The following RAD23B variants were observed in gnomAD, a reference collection of about 807,000 sequenced individuals.
The protein encoded by RAD23B is lysine-specific demethylase RAD23B.
Under a neutral mutation model 49.1 loss-of-function variants are expected in RAD23B, and 5 were observed. The observed-to-expected ratio is 0.10, with a 90% CI of 0.05 to 0.21. The LOEUF (loss-of-function observed/expected upper bound fraction) is 0.21. Ranked by LOEUF, RAD23B falls within the 10% of genes least tolerant of loss-of-function variation. RAD23B has a pLI of 1.00. For missense variants in RAD23B, 356 were observed against 486.7 expected, an observed-to-expected ratio of 0.73 and a Z score of 2.53; for synonymous variants, 184 against 165.4, an observed-to-expected ratio of 1.11 and a Z score of -0.86.
intron 5 of RAD23B, among the ~76,000 whole-genome samples, chr9:107,314,218 T>C (rs1207850977): frequency 1.3e-5 from 2 of 152,230 alleles, no homozygotes; most frequent in Non-Finnish European, 2.9e-5. Flanking sequence ...AAAATTTGTA[T>C]ATAGGGAGTA....
At chr9:107,324,751 C>T (rs1827172075) in intron 8 of RAD23B, 83 bp from the exon 9 acceptor site, 7 of 1,338,530 alleles carry the variant, frequency 5.2e-6, no homozygotes, top group Non-Finnish European at 1.0e-6. Flanking sequence ...AGCCTTTTCT[C>T]TTAGTAATAT....
intron 5 of RAD23B, among the ~76,000 whole-genome samples, chr9:107,317,071 TGAG>T (rs1827012274): frequency 6.9e-6 from 1 of 145,356 alleles, no homozygotes; most frequent in African/African-American, 2.6e-5. Flanking sequence ...AGAAATAAAA[TGAG>T]GGGTTTTGCG....
chr9:107,283,721 GCAGCCGCGTGCGGGCCGCGGGGAGCGC>G, intron 1 of RAD23B, 26 bp downstream of exon 1: 1 of 1,420,268 alleles, frequency 7.0e-7, no homozygotes, highest in Non-Finnish European at 9.3e-7. Flanking sequence ...GGGGGCAGGG[GCAGCCGCGTGCGGGCCGCGGGGAGCGC>G]CAGGAGCTCG....
chr9:107,293,453 G>T (rs1833425599), intron 1 of RAD23B, among the ~76,000 whole-genome samples: 1 of 152,200 alleles, frequency 6.6e-6, no homozygotes, highest in Admixed American at 6.5e-5. Flanking sequence ...CATATGGCAA[G>T]TACATAGCCT....
intron 5 of RAD23B, 23 bp downstream of exon 5, chr9:107,311,760 A>C: frequency 6.5e-7 from 1 of 1,538,036 alleles, no homozygotes; most frequent in Non-Finnish European, 8.8e-7. Flanking sequence ...TTTTCCTTAT[A>C]AATAACCTAT....
At chr9:107,312,771 C>T (rs1826912726) in intron 5 of RAD23B, among the ~76,000 whole-genome samples, 2 of 152,112 alleles carry the variant, frequency 1.3e-5, no homozygotes, top group East Asian at 3.9e-4. Context: ...AATAGGATTA[C>T]CCAGAGAGGC....
chr9:107,283,911 A>G (rs1833215454), intron 1 of RAD23B: 2 of 980,452 alleles, frequency 2.0e-6, no homozygotes, highest in Non-Finnish European at 1.3e-6. Flanking sequence ...CAGTGGCCGG[A>G]CGCCGAAGGC....
intron 5 of RAD23B, among the ~76,000 whole-genome samples, chr9:107,312,575 T>C (rs970860158): frequency 1.4e-5 from 2 of 146,434 alleles, no homozygotes; most frequent in Admixed American, 1.4e-4. Context: ...AACGGCAGTT[T>C]AAATTATCTA....
intron 4 of RAD23B, among the ~76,000 whole-genome samples, chr9:107,310,334 CA>C (rs936821881): frequency 3.5e-4 from 52 of 149,188 alleles, no homozygotes; most frequent in African/African-American, 1.1e-3. Flanking sequence ...GCAAGACAAC[CA>C]AAAAAAAAAT....
chr9:107,286,297 G>A (rs1833271196), intron 1 of RAD23B, among the ~76,000 whole-genome samples: 1 of 152,222 alleles, frequency 6.6e-6, no homozygotes, highest in Admixed American at 6.5e-5. Flanking sequence ...AGGACTGGAG[G>A]AGTACAGGGA....
At chr9:107,326,163 T>C (rs1827198004) in intron 9 of RAD23B, among the ~76,000 whole-genome samples, 1 of 152,194 alleles carries the variant, frequency 6.6e-6, no homozygotes, top group African/African-American at 2.4e-5. Context: ...ATAAGTCATA[T>C]TGGTCTGTAG....
chr9:107,315,722 C>T (rs1027688157), intron 5 of RAD23B, among the ~76,000 whole-genome samples: 2 of 151,984 alleles, frequency 1.3e-5, no homozygotes, highest in African/African-American at 4.8e-5. Context: ...CCATGTTGGC[C>T]AGGCTGGTCT....
intron 3 of RAD23B, 44 bp from the exon 4 acceptor site, chr9:107,306,335 A>G: frequency 1.9e-6 from 3 of 1,568,962 alleles, no homozygotes; most frequent in South Asian, 1.2e-5. Flanking sequence ...ATCAGGCAGT[A>G]TGTAGTATTT....
intron 4 of RAD23B, among the ~76,000 whole-genome samples, chr9:107,308,032 G>T (rs1403939834): frequency 6.6e-6 from 1 of 151,728 alleles, no homozygotes; most frequent in Non-Finnish European, 1.5e-5. Context: ...TAAAAAATTG[G>T]TTTACTAAAG....
chr9:107,300,019 T>A, intron 1 of RAD23B, 122 bp from the exon 2 acceptor site: 1 of 1,233,686 alleles, frequency 8.1e-7, no homozygotes, highest in Non-Finnish European at 1.1e-6. Context: ...AACATAATAT[T>A]TGAGGTTTTG....
At chr9:107,285,740 G>T (rs1430113406) in intron 1 of RAD23B, among the ~76,000 whole-genome samples, 1 of 152,124 alleles carries the variant, frequency 6.6e-6, no homozygotes, top group Non-Finnish European at 1.5e-5. Context: ...TAATTTTGTT[G>T]CTGTTAGTAT....
In RAD23B at chr9:107,329,743, C is replaced by A; in HGVS notation, c.*87C>A. The A allele has an allele frequency of 1.4e-6, 1 of 704,836 alleles. No individual in the cohort carries two copies. The highest frequency in any genetic ancestry group is 2.4e-6 in the Non-Finnish European group (1 of 411,152). The allele number at this position is 704,836 out of a possible 1,614,324, so 43.7% of individuals were successfully genotyped here. On this transcript the variant is annotated 3_prime_UTR_variant, in exon 10 of 10. Transcript: ENST00000358015. Reference sequence around the variant, plus strand: ...TGTCTGGGATGACTTGGGCTCATATCCACAATACTTGGTATAAGGTAGTAG... The same window carrying A: ...TGTCTGGGATGACTTGGGCTCATATACACAATACTTGGTATAAGGTAGTAG...
intron 1 of RAD23B, among the ~76,000 whole-genome samples, chr9:107,296,814 C>T (rs1368614214): frequency 3.3e-5 from 5 of 151,184 alleles, no homozygotes; most frequent in African/African-American, 1.2e-4. Context: ...GGATTACAGG[C>T]GTGAGCCATG....
chr9:107,311,609 A>T (rs940337929), intron 4 of RAD23B, 73 bp from the exon 5 acceptor site: 8 of 994,386 alleles, frequency 8.0e-6, no homozygotes, highest in Non-Finnish European at 1.0e-5. Context: ...TACCAATTGG[A>T]TAGTTACTAA....
Sources: allele counts gnomAD v4.1 joint callset (sites outside exome capture counted in the v4.1 genomes callset), GRCh38; gene constraint gnomAD v4.1.1; transcripts MANE v1.5; gene names NCBI Gene and HGNC (gene_info 2026-07-23, HGNC 2026-07-21).